ABTB2: variants seen among roughly 807,000 people sequenced by gnomAD.
The protein encoded by ABTB2 is ankyrin repeat and BTB domain containing 2, also known as ankyrin repeat and BTB/POZ domain-containing protein 2.
In ABTB2, 56 loss-of-function variants were observed where a neutral mutation model predicts 104.1. That is an observed-to-expected ratio of 0.54 (90% CI 0.43 to 0.67). The LOEUF (loss-of-function observed/expected upper bound fraction) is 0.67. Among genes scored for constraint, ABTB2 ranks in the 30% least tolerant of loss-of-function variants. The pLI, the probability that ABTB2 is intolerant of heterozygous loss-of-function variation, is 0.00. For missense variants in ABTB2, 1,279 were observed against 1,407.7 expected, an observed-to-expected ratio of 0.91 and a Z score of 1.46; for synonymous variants, 606 against 608.2, an observed-to-expected ratio of 1.00 and a Z score of 0.05.
intron 1 of ABTB2, among the ~76,000 whole-genome samples, chr11:34,209,545 G>C (rs1390772666): frequency 3.7e-5 from 3 of 82,066 alleles, no homozygotes; most frequent in Non-Finnish European, 7.0e-5. Flanking sequence ...CTCTAGCCCA[G>C]AGGGGTGATG....
At chr11:34,186,371 C>T (rs917348148) in intron 3 of ABTB2, among the ~76,000 whole-genome samples, 2 of 152,218 alleles carry the variant, frequency 1.3e-5, no homozygotes, top group African/African-American at 4.8e-5. Flanking sequence ...GGAACCAGCT[C>T]GGCTTGGCTC....
intron 3 of ABTB2, among the ~76,000 whole-genome samples, chr11:34,191,222 T>C (rs1317903554): frequency 1.3e-5 from 2 of 152,120 alleles, no homozygotes; most frequent in South Asian, 2.1e-4. Context: ...TGAACCATGA[T>C]TGCACCACTG....
Position 34,357,594 on chromosome 11 carries a change from C to G in ABTB2, c.-11G>C, listed in dbSNP as rs1242195881. On this transcript the variant is annotated 5_prime_UTR_variant, in exon 1 of 17. Coordinates refer to ENST00000435224, the MANE Select transcript of ABTB2 (RefSeq NM_145804.3). ...GTACGTCCCGGCCATGGGGAGCCTG[C>G]CGAGGGCGGCGTCGCCGAGCGAGGG... 6.7e-7 allele frequency: 1 copy of G among 1,496,842 alleles called. No individual in the cohort carries two copies. Among genetic ancestry groups the G allele is most frequent in the East Asian group, 2.5e-5 (1 of 39,810 alleles). The allele number at this position is 1,496,842 out of a possible 1,614,324, so 92.7% of individuals were successfully genotyped here. A position where few individuals can be genotyped will look rare whatever the true frequency, so the allele number is the denominator to read the frequency against.
chr11:34,187,648 C>T (rs1254844865), intron 3 of ABTB2, among the ~76,000 whole-genome samples: 1 of 152,050 alleles, frequency 6.6e-6, no homozygotes, highest in African/African-American at 2.4e-5. Context: ...AGGCATGCAC[C>T]ACCATGCCCA....
At chr11:34,336,776 C>G (rs556015240) in intron 1 of ABTB2, among the ~76,000 whole-genome samples, 93 of 152,214 alleles carry the variant, frequency 6.1e-4, no homozygotes, top group African/African-American at 2.2e-3. Flanking sequence ...GGCTCCCTCC[C>G]CATGCCAAAG....
intron 7 of ABTB2, 39 bp from the exon 8 acceptor site, chr11:34,165,395 G>C: frequency 6.5e-7 from 1 of 1,541,944 alleles, no homozygotes; most frequent in Non-Finnish European, 8.8e-7. Flanking sequence ...TGCTCAGCGT[G>C]GCAGGGAGCA....
chr11:34,210,997 T>C (rs1853474341), intron 1 of ABTB2, among the ~76,000 whole-genome samples: 1 of 152,222 alleles, frequency 6.6e-6, no homozygotes, highest in Non-Finnish European at 1.5e-5. Flanking sequence ...TTATATATAG[T>C]ACATTTAATG....
chr11:34,154,728 C>T lies in ABTB2; in HGVS notation c.2739G>A (p.Met913Ile). 6.2e-7 allele frequency: 1 copy of T among 1,614,182 alleles called. No homozygotes were observed. Residue 913 changes from methionine to isoleucine, a missense_variant, in exon 15 of 17, where the codon ATG becomes ATA. By Grantham distance (10) the Met-to-Ile change is conservative. Transcript: ENST00000435224. This position sits in a 1 kb window ranked among gnomAD's most constrained non-coding sequence, Gnocchi z 4.9. ...CCAGGATGTCAGTGGTGGGGATCTC[C>T]ATGGATTCTGTTCCTCCGTAGTACA... ...QYLYYGGTESMEIPTTDILEL... is the reference protein window; with the variant it reads ...QYLYYGGTESIEIPTTDILEL...
chr11:34,301,754 C>T (rs562218332), intron 1 of ABTB2, among the ~76,000 whole-genome samples: 15 of 152,138 alleles, frequency 9.9e-5, no homozygotes, highest in Non-Finnish European at 2.2e-4. Context: ...GATGCCAAGG[C>T]GGGAGGATGG....
chr11:34,182,553 G>A (rs187776147), intron 3 of ABTB2, among the ~76,000 whole-genome samples: 1 of 148,672 alleles, frequency 6.7e-6, no homozygotes, highest in African/African-American at 2.5e-5. Flanking sequence ...CAGATTAGAG[G>A]CACTAGATGA....
rs377506532 is a variant in ABTB2 at position 34,154,689 on chromosome 11, C to T, written c.2766+12G>A. On this transcript the variant is annotated intron_variant, in intron 15 of 16. Coordinates refer to ENST00000435224, the MANE Select transcript of ABTB2 (RefSeq NM_145804.3). The surrounding 1 kb of genome is among the most constrained non-coding windows in gnomAD (Gnocchi z 4.9). ...CCTAGCCCAGGCCCCCTCCCCCTCT[C>T]CCGAGTCTCACCTCCAGGATGTCAG... is the stretch of plus-strand genomic sequence containing the variant. 5.0e-6 allele frequency: 8 copies of T among 1,613,890 alleles called. No homozygotes were observed. In the South Asian group the frequency reaches 6.6e-5, roughly 13 times the overall value.
At chr11:34,228,546 A>C (rs1475906486) in intron 1 of ABTB2, among the ~76,000 whole-genome samples, 1 of 151,660 alleles carries the variant, frequency 6.6e-6, no homozygotes, top group Non-Finnish European at 1.5e-5. Flanking sequence ...CACCATACCT[A>C]GATAATTTTT....
chr11:34,296,782 G>A (rs992356934), intron 1 of ABTB2, among the ~76,000 whole-genome samples: 4 of 152,204 alleles, frequency 2.6e-5, no homozygotes, highest in Non-Finnish European at 4.4e-5. Flanking sequence ...CAGAGAAATG[G>A]TCTGGAAATG....
At chr11:34,203,330 C>T (rs1209921479) in intron 2 of ABTB2, among the ~76,000 whole-genome samples, 1 of 152,210 alleles carries the variant, frequency 6.6e-6, no homozygotes, top group Non-Finnish European at 1.5e-5. Context: ...GTCTTGCACA[C>T]AGAAGGCGCT....
At chr11:34,243,428 C>T (rs561228718) in intron 1 of ABTB2, among the ~76,000 whole-genome samples, 7 of 152,262 alleles carry the variant, frequency 4.6e-5, no homozygotes, top group African/African-American at 1.2e-4. Context: ...TGAGCCACCA[C>T]GCCCAGCCTC....
At chr11:34,165,036 G>A (rs2133009930) in intron 8 of ABTB2, among the ~76,000 whole-genome samples, 1 of 152,350 alleles carries the variant, frequency 6.6e-6, no homozygotes, top group Non-Finnish European at 1.5e-5. Flanking sequence ...TCTCCAGAGG[G>A]AAGGGCCTCC....
chr11:34,349,481 G>A (rs1382212358), intron 1 of ABTB2, among the ~76,000 whole-genome samples: 1 of 152,174 alleles, frequency 6.6e-6, no homozygotes, highest in Non-Finnish European at 1.5e-5. Flanking sequence ...CCATCTCCCT[G>A]AGATTTGGGT....
At chr11:34,168,213 C>T (rs1298675079) in intron 5 of ABTB2, among the ~76,000 whole-genome samples, 1 of 152,168 alleles carries the variant, frequency 6.6e-6, no homozygotes, top group Non-Finnish European at 1.5e-5. Flanking sequence ...GGAGCAGGGC[C>T]CAGCACAGGC....
At chr11:34,309,958 G>A (rs1055485377) in intron 1 of ABTB2, among the ~76,000 whole-genome samples, 7 of 152,160 alleles carry the variant, frequency 4.6e-5, no homozygotes, top group African/African-American at 1.7e-4. Context: ...TTCCTTAACT[G>A]TATTAACTTC....
Sources: allele counts gnomAD v4.1 joint callset (sites outside exome capture counted in the v4.1 genomes callset), GRCh38; gene constraint gnomAD v4.1.1; non-coding constraint Gnocchi (gnomAD v3.1); transcripts MANE v1.5; gene names NCBI Gene and HGNC (gene_info 2026-07-23, HGNC 2026-07-21).